The following PCDHA6 variants were observed in gnomAD, a reference collection of about 807,000 sequenced individuals.
PCDHA6 encodes the protein protocadherin alpha 6.
In PCDHA6, 55 loss-of-function variants were observed where a neutral mutation model predicts 60.3. The observed-to-expected ratio is 0.91, with a 90% CI of 0.73 to 1.14. The LOEUF is 1.14. Among genes scored for constraint, PCDHA6 ranks in the 50% most tolerant of loss-of-function variants. The pLI, the probability that PCDHA6 is intolerant of heterozygous loss-of-function variation, is 0.00. For missense variants in PCDHA6, 1,327 were observed against 1,256.5 expected, an observed-to-expected ratio of 1.06 and a Z score of -0.85; for synonymous variants, 652 against 557.9, an observed-to-expected ratio of 1.17 and a Z score of -2.38.
At chr5:140,869,117 A>G in intron 1 of PCDHA6, 2 of 1,605,428 alleles carry the variant, frequency 1.2e-6, no homozygotes, top group Non-Finnish European at 1.7e-6. Context: ...TTTGGTTTTC[A>G]GAGAAGGGGA....
At chr5:140,988,959 C>G (rs1308701267) in intron 3 of PCDHA6, 3 of 152,056 alleles carry the variant, frequency 2.0e-5, no homozygotes, top group Non-Finnish European at 4.4e-5. Context: ...CCTTCAAGCC[C>G]CACGATGGAG....
chr5:140,941,492 T>G (rs1446870882), intron 1 of PCDHA6, among the ~76,000 whole-genome samples: 18 of 151,592 alleles, frequency 1.2e-4, no homozygotes, highest in Admixed American at 1.2e-3. Flanking sequence ...ATTTTTTGTA[T>G]TTTTAGTAGA....
chr5:140,960,519 G>C (rs188949970), intron 1 of PCDHA6, among the ~76,000 whole-genome samples: 19 of 152,198 alleles, frequency 1.2e-4, no homozygotes, highest in Admixed American at 1.2e-3. Context: ...AACATAATGG[G>C]TATAGGAAAG....
chr5:140,836,715 C>T, intron 1 of PCDHA6: 1 of 1,612,974 alleles, frequency 6.2e-7, no homozygotes, highest in Non-Finnish European at 8.5e-7. Flanking sequence ...CAGCCTTCCT[C>T]AGGGTCCATC....
At chr5:140,835,876 G>T in intron 1 of PCDHA6, 3 of 1,611,976 alleles carry the variant, frequency 1.9e-6, no homozygotes, top group Non-Finnish European at 2.5e-6. Flanking sequence ...GTGGAGCTGC[G>T]GGTGGGCGAG....
At chr5:140,994,864 G>A (rs2097653681) in intron 3 of PCDHA6, among the ~76,000 whole-genome samples, 1 of 152,114 alleles carries the variant, frequency 6.6e-6, no homozygotes, top group Non-Finnish European at 1.5e-5. Context: ...TGATGGATGT[G>A]GTAGAATAAA....
At chr5:140,971,603 C>T (rs1353988698) in intron 1 of PCDHA6, among the ~76,000 whole-genome samples, 1 of 152,072 alleles carries the variant, frequency 6.6e-6, no homozygotes, top group Non-Finnish European at 1.5e-5. Context: ...CTACAGATGG[C>T]AGGAGAGTCC....
At chr5:140,873,221 G>A (rs2054166323) in intron 1 of PCDHA6, among the ~76,000 whole-genome samples, 1 of 151,940 alleles carries the variant, frequency 6.6e-6, no homozygotes, top group African/African-American at 2.4e-5. Context: ...TTAAAGAGAA[G>A]GCAACAATAT....
At chr5:140,998,943 G>T (rs1366415632) in intron 3 of PCDHA6, among the ~76,000 whole-genome samples, 2 of 152,212 alleles carry the variant, frequency 1.3e-5, no homozygotes, top group African/African-American at 2.4e-5. Flanking sequence ...TGAAGAAACT[G>T]TAAGTCAATG....
Position 140,885,836 on chromosome 5 carries a change from C to T in PCDHA6, c.2394+55351C>T, listed in dbSNP as rs186775413. On this transcript the variant is annotated intron_variant, in intron 1 of 3. Transcript: ENST00000529310. ...TGTATTTGATCTTCTTTGATTTATC[C>T]ATTAAGTTATTTGCCTACTTTTCTA... Among the ~76,000 whole-genome samples the T allele has an allele frequency of 3.1e-3, 470 of 152,032 alleles. 3 individuals are homozygous for T. Among genetic ancestry groups the T allele is most frequent in the Middle Eastern group, 0.014 (4 of 294 alleles).
intron 1 of PCDHA6, chr5:140,859,894 C>T (rs930000447): frequency 6.6e-6 from 1 of 151,852 alleles, no homozygotes; most frequent in Non-Finnish European, 1.5e-5. Context: ...GAAAAAAAAT[C>T]TTCCTTAATG....
intron 1 of PCDHA6, chr5:140,871,083 C>A: frequency 1.1e-5 from 18 of 1,613,186 alleles, no homozygotes; most frequent in Non-Finnish European, 1.4e-5. Flanking sequence ...CGCTGACGGC[C>A]ACGGCCACCG....
At chr5:140,864,310 A>G (rs2048415201) in intron 1 of PCDHA6, 1 of 152,166 alleles carries the variant, frequency 6.6e-6, no homozygotes, top group African/African-American at 2.4e-5. Flanking sequence ...TACCATGACA[A>G]TATTTAATAT....
chr5:141,010,225 C>T lies in PCDHA6; in HGVS notation c.*288C>T. The T allele has an allele frequency of 6.4e-7, 1 of 1,551,848 alleles. No homozygotes were observed. The highest frequency in any genetic ancestry group is 8.7e-7 in the Non-Finnish European group (1 of 1,147,026). The stretch of plus-strand genomic sequence containing the variant: ...CCGCCGCAAAGGAGAGGCTTCCCAG[C>T]CCCGCCAGTGAGAGGTTGGACTCTC... On this transcript the variant is annotated 3_prime_UTR_variant, in exon 4 of 4. Coordinates refer to ENST00000529310, the MANE Select transcript of PCDHA6 (RefSeq NM_018909.4).
chr5:140,843,094 A>G (rs1268827365), intron 1 of PCDHA6: 2 of 1,595,564 alleles, frequency 1.3e-6, no homozygotes, highest in South Asian at 2.2e-5. Flanking sequence ...GCCACGTGGT[A>G]GCGAAGGTGC....
At chr5:140,831,524 T>A (rs1771606843) in intron 1 of PCDHA6, among the ~76,000 whole-genome samples, 4 of 26,740 alleles carry the variant, frequency 1.5e-4, no homozygotes, top group Admixed American at 1.4e-3. Context: ...CCCCACCTTT[T>A]TTTTTTTTTT....
chr5:140,860,904 A>ATT (rs369143047), intron 1 of PCDHA6: 1 of 152,182 alleles, frequency 6.6e-6, no homozygotes, highest in African/African-American at 2.4e-5. Context: ...CGCCAGGCTA[A>ATT]TTTTTTGTAT....
intron 1 of PCDHA6, chr5:140,927,599 C>T (rs1250728851): frequency 6.2e-7 from 1 of 1,614,070 alleles, no homozygotes; most frequent in African/African-American, 1.3e-5. Context: ...TTTGAGCGCT[C>T]CGTATACCGC....
chr5:140,978,868 G>C (rs2096826928), intron 1 of PCDHA6, 81 bp from the exon 2 acceptor site: 2 of 1,606,078 alleles, frequency 1.2e-6, no homozygotes, highest in Non-Finnish European at 1.7e-6. Context: ...ATATTTAAGG[G>C]AGTAACTAAT....
Sources: gnomAD v4.1 joint callset for allele counts (sites outside exome capture counted in the v4.1 genomes callset) on GRCh38, gnomAD v4.1.1 for gene constraint, MANE v1.5 for transcripts, NCBI Gene and HGNC (gene_info 2026-07-23, HGNC 2026-07-21) for gene names.